The following SP140 variants were observed in gnomAD, a reference collection of about 807,000 sequenced individuals.
SP140 encodes the protein nuclear body protein SP140.
SP140 carries 81 observed loss-of-function variants against 125.0 expected under a neutral mutation model. The ratio of observed to expected loss-of-function variants is 0.65; its 90% CI spans 0.54 to 0.78. The LOEUF is 0.78. Among genes scored for constraint, SP140 ranks in the 30% least tolerant of loss-of-function variants. The probability of loss-of-function intolerance (pLI) is 0.00; values close to 1 mark genes in which losing one functional copy is unlikely to be tolerated. For missense variants in SP140, 858 were observed against 1,037.0 expected (o/e 0.83, Z 2.37); for synonymous variants, 312 against 354.0 (o/e 0.88, Z 1.33).
chr2:230,269,687 A>C, intron 13 of SP140, 69 bp downstream of exon 13: 1 of 1,160,778 alleles, frequency 8.6e-7, no homozygotes, highest in Non-Finnish European at 1.2e-6. Context: ...AGGAGAAAAA[A>C]TAGACTTAAA....
Position 230,250,978 on chromosome 2 carries a change from C to A in SP140, c.977-3C>A. On this transcript the variant is annotated splice_region_variant and splice_polypyrimidine_tract_variant and intron_variant, in intron 9 of 26. Transcript: ENST00000392045. The stretch of plus-strand genomic sequence containing the variant: ...TCTTGAGGGATTTCTTTTCTTTCTG[C>A]AGAGGGCAGTGATGACTGTTCAGAA... The A allele has an allele frequency of 1.2e-6, 2 of 1,613,520 alleles. No homozygotes were observed. Among genetic ancestry groups the A allele is most frequent in the Non-Finnish European group, 1.7e-6 (2 of 1,179,566 alleles).
chr2:230,288,268 T>G (rs10185385), intron 18 of SP140, among the ~76,000 whole-genome samples: 1 of 152,170 alleles, frequency 6.6e-6, no homozygotes, highest in Non-Finnish European at 1.5e-5. Context: ...AACCCATAAG[T>G]GATTTAACTG....
intron 8 of SP140, 51 bp from the exon 9 acceptor site, chr2:230,248,834 C>T (rs1254063851): frequency 2.8e-6 from 4 of 1,435,366 alleles, no homozygotes; most frequent in Non-Finnish European, 2.9e-6. Context: ...CACACTGAGG[C>T]CTGTGTCCAA....
In SP140 at chr2:230,300,643, T is replaced by G. The variant is rs987562543; in HGVS notation, c.2058+3181T>G. ...GGGATCACCCTGTGGAACAAGAGAA[T>G]CTGAACAGCAGCTCTTGAGTTTCAG... is the stretch of plus-strand genomic sequence containing the variant. On this transcript the variant is annotated intron_variant, in intron 22 of 26. Coordinates refer to ENST00000392045, the MANE Select transcript of SP140 (RefSeq NM_007237.5). Among the ~76,000 whole-genome samples the G allele has an allele frequency of 2.0e-5, 3 of 152,234 alleles. No individual in the cohort carries two copies. In the East Asian group the frequency reaches 5.8e-4, roughly 29 times the overall value.
intron 22 of SP140, among the ~76,000 whole-genome samples, chr2:230,304,200 G>A (rs1156765428): frequency 6.6e-6 from 1 of 152,038 alleles, no homozygotes; most frequent in Non-Finnish European, 1.5e-5. Flanking sequence ...TAACCACAGA[G>A]ATGAAATACC....
chr2:230,218,350 C>G (rs1365314169), intron 3 of SP140, among the ~76,000 whole-genome samples: 1 of 152,104 alleles, frequency 6.6e-6, no homozygotes, highest in African/African-American at 2.4e-5. Flanking sequence ...AAAAAATACT[C>G]ATGAAAAGAA....
At chr2:230,270,958 T>C (rs1302084628) in intron 15 of SP140, 3 of 401,444 alleles carry the variant, frequency 7.5e-6, no homozygotes, top group East Asian at 1.3e-4. Context: ...GAAAGGAAGA[T>C]GTGACTATGG....
intron 15 of SP140, among the ~76,000 whole-genome samples, chr2:230,271,833 CT>C (rs1391967034): frequency 3.3e-5 from 5 of 152,152 alleles, no homozygotes; most frequent in Non-Finnish European, 7.3e-5. Context: ...ACAACAAAGA[CT>C]TTTTGCCAGT....
chr2:230,232,988 TC>T (rs766323671), intron 1 of SP140, among the ~76,000 whole-genome samples: 2 of 152,098 alleles, frequency 1.3e-5, no homozygotes, highest in Non-Finnish European at 2.9e-5. Flanking sequence ...TTATTTTATC[TC>T]TGTTATGTCT....
intron 21 of SP140, among the ~76,000 whole-genome samples, chr2:230,296,254 A>T (rs1488459562): frequency 1.3e-5 from 2 of 152,222 alleles, no homozygotes; most frequent in Admixed American, 6.5e-5. Flanking sequence ...AAATAAAAAA[A>T]GTTTTAAATT....
At chr2:230,257,103 G>C (rs558593178) in intron 12 of SP140, among the ~76,000 whole-genome samples, 32 of 152,238 alleles carry the variant, frequency 2.1e-4, no homozygotes, top group African/African-American at 7.5e-4. Context: ...GGCATGGGTT[G>C]GGGTGGGGTC....
chr2:230,272,350 T>G, intron 15 of SP140, among the ~76,000 whole-genome samples: 1 of 152,196 alleles, frequency 6.6e-6, no homozygotes, highest in South Asian at 2.1e-4. Context: ...ATGGTTTGGC[T>G]GTGTCCCCAC....
At chr2:230,265,339 C>A (rs1231116981) in intron 12 of SP140, among the ~76,000 whole-genome samples, 1 of 152,076 alleles carries the variant, frequency 6.6e-6, no homozygotes, top group African/African-American at 2.4e-5. Flanking sequence ...AGCCCCCAGA[C>A]CATTTCCAGG....
At chr2:230,245,723 T>C in intron 6 of SP140, 140 bp from the exon 7 acceptor site, 1 of 613,330 alleles carries the variant, frequency 1.6e-6, no homozygotes, top group East Asian at 2.7e-5. Flanking sequence ...CTAGAAGAAG[T>C]AGAGCCACTT....
At chr2:230,235,418 G>A (rs1198264012) in intron 1 of SP140, among the ~76,000 whole-genome samples, 1 of 152,072 alleles carries the variant, frequency 6.6e-6, no homozygotes, top group African/African-American at 2.4e-5. Flanking sequence ...TGTCATTTTA[G>A]GAGATATTCT....
intron 7 of SP140, among the ~76,000 whole-genome samples, chr2:230,247,699 A>G (rs975407484): frequency 6.6e-6 from 1 of 152,160 alleles, no homozygotes; most frequent in South Asian, 2.1e-4. Context: ...CTCCAGCTTC[A>G]TGTCTGCCTC....
At chr2:230,277,983 C>G (rs2054972093) in intron 15 of SP140, among the ~76,000 whole-genome samples, 1 of 152,086 alleles carries the variant, frequency 6.6e-6, no homozygotes, top group Non-Finnish European at 1.5e-5. Flanking sequence ...GTCTCATTTC[C>G]TATAAATTCA....
chr2:230,202,760 A>G (rs750395652), upstream of SP140: 1 of 1,612,958 alleles, frequency 6.2e-7, no homozygotes, highest in Non-Finnish European at 8.5e-7. Context: ...TAATAGTTTA[A>G]ATTGGGGTCT....
upstream of SP140, chr2:230,202,968 A>G: frequency 1.8e-6 from 1 of 549,716 alleles, no homozygotes; most frequent in Non-Finnish European, 3.3e-6. Flanking sequence ...TGTTGCAATC[A>G]ACTAGATAAA....
Sources: allele counts gnomAD v4.1 joint callset (sites outside exome capture counted in the v4.1 genomes callset), GRCh38; gene constraint gnomAD v4.1.1; transcripts MANE v1.5; gene names NCBI Gene and HGNC (gene_info 2026-07-23, HGNC 2026-07-21).